Variants in ZNF609 observed in about 807,000 individuals in gnomAD.
ZNF609 encodes zinc finger protein 609.
In ZNF609, 11 loss-of-function variants were observed where a neutral mutation model predicts 109.5. The ratio of observed to expected loss-of-function variants is 0.10; its 90% CI spans 0.06 to 0.17. ZNF609 has a LOEUF of 0.17. ZNF609 is among the 10% of genes least tolerant of loss of function. The pLI is 1.00. For missense variants in ZNF609, 1,559 were observed against 1,772.4 expected, an observed-to-expected ratio of 0.88 and a Z score of 2.16; for synonymous variants, 646 against 662.0, an observed-to-expected ratio of 0.98 and a Z score of 0.37.
Position 64,505,738 on chromosome 15 carries a change from A to G in ZNF609, c.747+5572A>G, listed in dbSNP as rs535418115. ...CCAGAAGTCTCTCCAGATAATTGCTATATACATCAAAGTTTGAGAATTTTC... is the reference window on the plus strand; with the variant it reads ...CCAGAAGTCTCTCCAGATAATTGCTGTATACATCAAAGTTTGAGAATTTTC... On this transcript the variant is annotated intron_variant, in intron 2 of 9. Transcript: ENST00000326648. Among the ~76,000 whole-genome samples, 27 of 152,328 alleles carry G rather than the reference A, an allele frequency of 1.8e-4. No individual in the cohort carries two copies. The South Asian group carries it at 5.4e-3, about 30-fold the overall frequency.
intron 2 of ZNF609, among the ~76,000 whole-genome samples, chr15:64,513,215 GA>G (rs1893759160): frequency 6.6e-6 from 1 of 151,902 alleles, no homozygotes; most frequent in Admixed American, 6.6e-5. Flanking sequence ...CAAATGTGGG[GA>G]AAAACTCATC....
chr15:64,480,198 C>G (rs935837973), intron 1 of ZNF609, among the ~76,000 whole-genome samples: 4 of 151,820 alleles, frequency 2.6e-5, no homozygotes, highest in Non-Finnish European at 5.9e-5. Context: ...GATATCGTGC[C>G]ACTGCACTCC....
chr15:64,559,505 C>T (rs1001973641), intron 2 of ZNF609, among the ~76,000 whole-genome samples: 6 of 152,178 alleles, frequency 3.9e-5, no homozygotes, highest in Non-Finnish European at 7.4e-5. Context: ...AAAGCCTTTG[C>T]GTGAGGTATT....
chr15:64,536,193 T>G (rs1477269484), intron 2 of ZNF609, among the ~76,000 whole-genome samples: 1 of 152,122 alleles, frequency 6.6e-6, no homozygotes, highest in Non-Finnish European at 1.5e-5. Flanking sequence ...GCTAATTTTT[T>G]TATTTGTTTG....
At chr15:64,512,164 T>C (rs1893743456) in intron 2 of ZNF609, among the ~76,000 whole-genome samples, 1 of 152,178 alleles carries the variant, frequency 6.6e-6, no homozygotes, top group Admixed American at 6.5e-5. Context: ...ATAATGAACC[T>C]GATTTCTCAT....
chr15:64,579,248 G>A (rs1895053654), intron 2 of ZNF609, among the ~76,000 whole-genome samples: 1 of 151,788 alleles, frequency 6.6e-6, no homozygotes, highest in Non-Finnish European at 1.5e-5. Context: ...ACAAAAAGAA[G>A]TGATGGTACA....
intron 3 of ZNF609, among the ~76,000 whole-genome samples, chr15:64,625,089 A>G (rs1447158105): frequency 6.6e-6 from 1 of 152,132 alleles, no homozygotes; most frequent in Non-Finnish European, 1.5e-5. Context: ...TCTATACTTT[A>G]TTTCATAGCA....
At chr15:64,504,336 G>A (rs924976140) in intron 2 of ZNF609, among the ~76,000 whole-genome samples, 5 of 152,184 alleles carry the variant, frequency 3.3e-5, no homozygotes, top group Non-Finnish European at 7.3e-5. Context: ...GACTTGCCCA[G>A]CATCTCACAG....
At chr15:64,618,369 G>A (rs989258576) in intron 2 of ZNF609, among the ~76,000 whole-genome samples, 8 of 152,178 alleles carry the variant, frequency 5.3e-5, no homozygotes, top group African/African-American at 1.9e-4. Context: ...AACCCCGGCA[G>A]TGTCTAGGGG....
intron 3 of ZNF609, among the ~76,000 whole-genome samples, chr15:64,657,507 G>C (rs1040910400): frequency 5.9e-5 from 9 of 152,056 alleles, no homozygotes; most frequent in African/African-American, 2.2e-4. Flanking sequence ...CCAGCTACTC[G>C]GGAGGCTGAG....
chr15:64,550,393 A>T (rs1444683735), intron 2 of ZNF609, among the ~76,000 whole-genome samples: 2 of 152,138 alleles, frequency 1.3e-5, no homozygotes, highest in African/African-American at 4.8e-5. Context: ...TTAATCTCTT[A>T]TTAGATGTAT....
Position 64,682,648 on chromosome 15 carries a change from C to G in ZNF609, c.*962C>G, listed in dbSNP as rs2083217456. ...TCAGGCAGATAAACTAGTATTCCCCCCAGCTTGGGGAACCTTGGAGTCTGC... is the reference window on the plus strand; with the variant it reads ...TCAGGCAGATAAACTAGTATTCCCCGCAGCTTGGGGAACCTTGGAGTCTGC... On this transcript the variant is annotated 3_prime_UTR_variant, in exon 10 of 10. Coordinates refer to ENST00000326648, the MANE Select transcript of ZNF609 (RefSeq NM_015042.2). The G allele has an allele frequency of 6.5e-6, 1 of 152,682 alleles. No individual in the cohort carries two copies. Among genetic ancestry groups the G allele is most frequent in the Admixed American group, 6.5e-5 (1 of 15,288 alleles). 9.5% of individuals were successfully genotyped at this position (152,682 alleles called of 1,614,324 possible).
At chr15:64,672,347 GGGTGCGGTGGC>G (rs1228106223) in intron 4 of ZNF609, among the ~76,000 whole-genome samples, 71 of 150,246 alleles carry the variant, frequency 4.7e-4, no homozygotes, top group Non-Finnish European at 8.0e-4. Flanking sequence ...TATTCAGGCT[GGGTGCGGTGGC>G]TAACGCCTGT....
At chr15:64,668,560 G>A (rs1183122327) in intron 3 of ZNF609, among the ~76,000 whole-genome samples, 1 of 152,176 alleles carries the variant, frequency 6.6e-6, no homozygotes, top group East Asian at 1.9e-4. Context: ...GATCTCAGGA[G>A]TTCAAGACCA....
chr15:64,519,130 G>A (rs1893856485), intron 2 of ZNF609, among the ~76,000 whole-genome samples: 2 of 139,326 alleles, frequency 1.4e-5, no homozygotes, highest in Non-Finnish European at 3.1e-5. Context: ...GGGGGGCGGG[G>A]GGCGGGGGCG....
rs539668879 is a variant in ZNF609 at position 64,657,129 on chromosome 15, C to A, written c.974-13217C>A. Among the ~76,000 whole-genome samples the A allele has an allele frequency of 2.0e-5, 3 of 151,948 alleles. No homozygotes were observed. In the South Asian group the frequency reaches 6.2e-4, roughly 32 times the overall value. On this transcript the variant is annotated intron_variant, in intron 3 of 9. Transcript: ENST00000326648. ...AAAAAATTAGCCGGGCATGGTGATG[C>A]GTGCCTGTAGTCCCAGCTACTTGGG...
At chr15:64,653,011 A>C (rs1896440668) in intron 3 of ZNF609, 1 of 152,128 alleles carries the variant, frequency 6.6e-6, no homozygotes. Flanking sequence ...ATAAAAAGAT[A>C]CTCCAAGTCT....
chr15:64,676,548 A>T (rs1309472772), intron 5 of ZNF609, among the ~76,000 whole-genome samples: 1 of 151,878 alleles, frequency 6.6e-6, no homozygotes, highest in African/African-American at 2.4e-5. Context: ...CTCCTGCCTC[A>T]GCCTCCCGAG....
At chr15:64,626,336 G>T (rs1895962553) in intron 3 of ZNF609, among the ~76,000 whole-genome samples, 1 of 152,172 alleles carries the variant, frequency 6.6e-6, no homozygotes, top group Non-Finnish European at 1.5e-5. Context: ...AGGTAACAGA[G>T]ATTTCCTGCA....
Sources: allele counts gnomAD v4.1 joint callset (sites outside exome capture counted in the v4.1 genomes callset), GRCh38; gene constraint gnomAD v4.1.1; transcripts MANE v1.5; gene names NCBI Gene and HGNC (gene_info 2026-07-23, HGNC 2026-07-21).